SGCZ: variants seen among roughly 807,000 people sequenced by gnomAD.
SGCZ encodes sarcoglycan zeta.
Under a neutral mutation model 41.3 loss-of-function variants are expected in SGCZ, and 40 were observed. The ratio of observed to expected loss-of-function variants is 0.97; its 90% CI spans 0.75 to 1.26. The LOEUF is 1.26. Ranked by LOEUF, SGCZ falls within the 50% of genes most tolerant of loss-of-function variation. The pLI is 0.00. For synonymous variants in SGCZ, 206 were observed against 137.5 expected, an observed-to-expected ratio of 1.50 and a Z score of -3.49; for missense variants, 552 against 369.8, an observed-to-expected ratio of 1.49 and a Z score of -4.04.
chr8:14,961,274 T>C (rs962079717), intron 1 of SGCZ, among the ~76,000 whole-genome samples: 1 of 152,176 alleles, frequency 6.6e-6, no homozygotes, highest in Non-Finnish European at 1.5e-5. Flanking sequence ...TAGACTCAAA[T>C]GGACTGCCTA....
chr8:14,907,339 C>T (rs1563354408), intron 1 of SGCZ, among the ~76,000 whole-genome samples: 2 of 152,038 alleles, frequency 1.3e-5, no homozygotes, highest in Non-Finnish European at 2.9e-5. Context: ...GGACTACAGG[C>T]ACACCACTAT....
chr8:14,370,705 C>T lies in SGCZ; in HGVS notation c.235-46501G>A, dbSNP rs550687425. 2.4e-3 allele frequency among the ~76,000 whole-genome samples: 359 copies of T among 151,816 alleles called. 3 individuals carry two copies. Among genetic ancestry groups the T allele is most frequent in the Non-Finnish European group, 4.0e-3 (270 of 67,826 alleles). ...GCTATTAAGCATACTAGTTACACAG[C>T]GAGACTTGATTTTTTTCTGTCTAAT... On this transcript the variant is annotated intron_variant, in intron 2 of 7. Coordinates refer to ENST00000382080, the MANE Select transcript of SGCZ (RefSeq NM_139167.4).
intron 2 of SGCZ, among the ~76,000 whole-genome samples, chr8:14,395,818 A>C (rs577050585): frequency 6.6e-6 from 1 of 152,328 alleles, no homozygotes; most frequent in African/African-American, 2.4e-5. Context: ...GTTATCTGGC[A>C]CATAATGCCT....
chr8:14,137,426 C>T (rs1193591865), intron 5 of SGCZ, among the ~76,000 whole-genome samples: 1 of 152,022 alleles, frequency 6.6e-6, no homozygotes. Flanking sequence ...AAGCTAAAAA[C>T]CTTGAAAAAA....
Position 14,798,708 on chromosome 8 carries a change from C to T in SGCZ, c.40-243782G>A, listed in dbSNP as rs192635280. On this transcript the variant is annotated intron_variant, in intron 1 of 7. Coordinates refer to ENST00000382080, the MANE Select transcript of SGCZ (RefSeq NM_139167.4). The stretch of plus-strand genomic sequence containing the variant: ...AAAAAGGAGTATGAAGTAAAATGTA[C>T]CCTACAATCACATTATTTTCATTTT... 3.1e-3 allele frequency among the ~76,000 whole-genome samples: 434 copies of T among 138,704 alleles called. 2 individuals are homozygous for T. Among genetic ancestry groups the T allele is most frequent in the African/African-American group, 0.011 (412 of 37,838 alleles). 91.0% of individuals were successfully genotyped at this position (138,704 alleles called of 152,430 possible).
chr8:14,950,428 CT>C (rs1325121672), intron 1 of SGCZ, among the ~76,000 whole-genome samples: 1 of 151,668 alleles, frequency 6.6e-6, no homozygotes, highest in Admixed American at 6.6e-5. Context: ...CTCTTTCTCC[CT>C]TCCCTTCTCT....
intron 1 of SGCZ, among the ~76,000 whole-genome samples, chr8:14,969,393 G>A (rs568811902): frequency 6.6e-6 from 1 of 152,104 alleles, no homozygotes; most frequent in South Asian, 2.1e-4. Flanking sequence ...TAAACAAACA[G>A]CACATATTTA....
chr8:15,111,544 G>A (rs967526841), intron 1 of SGCZ, among the ~76,000 whole-genome samples: 1 of 152,092 alleles, frequency 6.6e-6, no homozygotes, highest in African/African-American at 2.4e-5. Flanking sequence ...CTTTGTAAAT[G>A]GGACCTTGAG....
chr8:14,881,582 T>G (rs1238414792), intron 1 of SGCZ, among the ~76,000 whole-genome samples: 1 of 152,100 alleles, frequency 6.6e-6, no homozygotes, highest in Non-Finnish European at 1.5e-5. Flanking sequence ...TAGAGTTGCC[T>G]TGCATTGGCC....
At chr8:14,393,348 G>A (rs943914652) in intron 2 of SGCZ, among the ~76,000 whole-genome samples, 1 of 140,864 alleles carries the variant, frequency 7.1e-6, no homozygotes, top group African/African-American at 3.2e-5. Flanking sequence ...ATGAATGCCA[G>A]CAGGAACTAG....
intron 2 of SGCZ, among the ~76,000 whole-genome samples, chr8:14,442,505 C>A (rs775807570): frequency 6.6e-6 from 1 of 152,102 alleles, no homozygotes; most frequent in African/African-American, 2.4e-5. Flanking sequence ...CTAATACACC[C>A]TTCTTAATGC....
At chr8:14,361,119 C>G (rs1415781815) in intron 2 of SGCZ, among the ~76,000 whole-genome samples, 1 of 152,162 alleles carries the variant, frequency 6.6e-6, no homozygotes, top group East Asian at 1.9e-4. Flanking sequence ...CTTGGACTCG[C>G]TAATTGGATT....
intron 1 of SGCZ, among the ~76,000 whole-genome samples, chr8:14,844,210 G>A (rs1324230501): frequency 1.3e-5 from 2 of 151,938 alleles, no homozygotes; most frequent in Non-Finnish European, 2.9e-5. Flanking sequence ...TACTTTACCT[G>A]TTTCCACTGT....
intron 5 of SGCZ, 140 bp from the exon 6 acceptor site, chr8:14,108,375 C>A: frequency 1.5e-6 from 1 of 677,634 alleles, no homozygotes; most frequent in Non-Finnish European, 2.5e-6. Flanking sequence ...CGTTTTCACA[C>A]TGCTGATAAA....
chr8:14,121,996 A>G (rs1407561407), intron 5 of SGCZ, among the ~76,000 whole-genome samples: 1 of 152,122 alleles, frequency 6.6e-6, no homozygotes, highest in African/African-American at 2.4e-5. Context: ...GACTTTAAGG[A>G]GGCCGGGTGC....
At chr8:14,257,211 C>T (rs1448292118) in intron 3 of SGCZ, among the ~76,000 whole-genome samples, 1 of 152,002 alleles carries the variant, frequency 6.6e-6, no homozygotes, top group Non-Finnish European at 1.5e-5. Flanking sequence ...CCTGTAGTCT[C>T]ACCTACTTGG....
chr8:14,735,576 T>C (rs1017081993), intron 1 of SGCZ, among the ~76,000 whole-genome samples: 2 of 152,158 alleles, frequency 1.3e-5, no homozygotes, highest in Admixed American at 1.3e-4. Flanking sequence ...GCTTCCCTAC[T>C]TTTGAGGATT....
At chr8:14,287,148 G>T (rs1800668909) in intron 3 of SGCZ, among the ~76,000 whole-genome samples, 1 of 150,986 alleles carries the variant, frequency 6.6e-6, no homozygotes, top group East Asian at 1.9e-4. Flanking sequence ...ATTTTTTAAA[G>T]CATATTAAAT....
At chr8:14,581,745 A>G (rs1271302825) in intron 1 of SGCZ, among the ~76,000 whole-genome samples, 1 of 152,304 alleles carries the variant, frequency 6.6e-6, no homozygotes, top group African/African-American at 2.4e-5. Context: ...TCTTTGAAAA[A>G]GGTTGAGGAT....
Sources: gnomAD v4.1 joint callset for allele counts (sites outside exome capture counted in the v4.1 genomes callset) on GRCh38, gnomAD v4.1.1 for gene constraint, MANE v1.5 for transcripts, NCBI Gene and HGNC (gene_info 2026-07-23, HGNC 2026-07-21) for gene names.